TMIGD2: variants seen among roughly 807,000 people sequenced by gnomAD.
The protein encoded by TMIGD2 is transmembrane and immunoglobulin domain-containing protein 2.
A neutral mutation model predicts 22.6 loss-of-function variants in TMIGD2; 18 were observed. The observed-to-expected ratio is 0.80, with a 90% CI of 0.55 to 1.18. The LOEUF is 1.18. TMIGD2 is among the 50% of genes most tolerant of loss of function. TMIGD2 has a pLI of 0.00. For missense variants in TMIGD2, 361 were observed against 378.2 expected (o/e 0.95, Z 0.38); for synonymous variants, 184 against 154.1 (o/e 1.19, Z -1.44).
At chr19:4,302,141 G>A (rs1352278581) in intron 1 of TMIGD2, among the ~76,000 whole-genome samples, 199 bp downstream of exon 1, 1 of 152,096 alleles carries the variant, frequency 6.6e-6, no homozygotes, top group Non-Finnish European at 1.5e-5. Flanking sequence ...GTAGGGCAAG[G>A]TTTAGATTGT....
intron 4 of TMIGD2, 141 bp from the exon 5 acceptor site, chr19:4,293,026 C>T (rs1249750921): frequency 3.1e-6 from 4 of 1,280,916 alleles, no homozygotes; most frequent in South Asian, 1.3e-5. Context: ...TGCAGTGGCG[C>T]AATCTCGGCT....
chr19:4,294,451 C>T (rs1971430356), intron 4 of TMIGD2, 128 bp downstream of exon 4: 11 of 859,518 alleles, frequency 1.3e-5, no homozygotes, highest in Middle Eastern at 3.6e-4. Context: ...GATATAGGAG[C>T]CAGGCTTCTC....
At chr19:4,292,287 C>T in exon 5 of TMIGD2, 1 of 350,414 alleles carries the variant, frequency 2.9e-6, no homozygotes, top group Non-Finnish European at 5.3e-6. Flanking sequence ...CGAGATCCAT[C>T]ATTACAGAAA....
chr19:4,292,856 G>T, exon 5 of TMIGD2: 1 of 1,613,832 alleles, frequency 6.2e-7, no homozygotes, highest in Non-Finnish European at 8.5e-7. Context: ...CCCCGGGGCC[G>T]GTATAGGACG....
intron 2 of TMIGD2, among the ~76,000 whole-genome samples, chr19:4,295,476 T>C (rs1320165233): frequency 2.0e-5 from 3 of 150,048 alleles, no homozygotes; most frequent in South Asian, 2.1e-4. Flanking sequence ...AGGAGAATGG[T>C]GTGAACCCGG....
intron 2 of TMIGD2, among the ~76,000 whole-genome samples, chr19:4,295,985 C>T (rs528313288): frequency 1.1e-4 from 17 of 152,108 alleles, no homozygotes; most frequent in Non-Finnish European, 2.5e-4. Context: ...GTGGCGTGAT[C>T]GTAGCTCACT....
At chr19:4,294,703 G>C in intron 3 of TMIGD2, 23 bp from the exon 4 acceptor site, 1 of 1,576,504 alleles carries the variant, frequency 6.3e-7, no homozygotes, top group South Asian at 1.2e-5. Flanking sequence ...AGAAGAGATG[G>C]TCTAATCAGG....
chr19:4,292,661 G>C, exon 5 of TMIGD2: 2 of 1,609,648 alleles, frequency 1.2e-6, no homozygotes, highest in Non-Finnish European at 1.7e-6. Context: ...CTTGGTCTAG[G>C]AGAGACCCTG....
intron 4 of TMIGD2, among the ~76,000 whole-genome samples, chr19:4,293,463 C>T (rs527644347): frequency 2.5e-4 from 35 of 141,420 alleles, no homozygotes; most frequent in African/African-American, 7.6e-4. Context: ...GGTTTCACCA[C>T]GTTGGCCAGG....
At position 4,294,577 on chromosome 19, in the gene TMIGD2, AC is replaced by A; in HGVS notation, c.551del (p.Gly184ValfsTer112). 2 of 1,612,086 alleles carry A rather than the reference AC, an allele frequency of 1.2e-6. No individual in the cohort carries two copies. The highest frequency in any genetic ancestry group is 1.7e-6 in the Non-Finnish European group (2 of 1,179,250). On this transcript the variant is annotated frameshift_variant, in exon 4 of 5. Coordinates refer to ENST00000301272, the Ensembl canonical transcript of TMIGD2. LOFTEE classifies it low-confidence loss of function (END_TRUNC). ...CCTACCCTCCCTTACCTGGGCTGTT[AC>A]CTGAGTCCCTTTGCTGGCAGCTGCG...
Position 4,294,694 on chromosome 19 carries a change from GA to G in TMIGD2, c.449-15del, listed in dbSNP as rs763957173. On this transcript the variant is annotated splice_polypyrimidine_tract_variant and intron_variant, in intron 3 of 4. Coordinates refer to ENST00000301272, the Ensembl canonical transcript of TMIGD2. ...CGAAGAGGAATCCTGGGTAGGGGGA[GA>G]AGAGATGGTCTAATCAGGAGGGGAA... is the stretch of plus-strand genomic sequence containing the variant. 6.3e-7 allele frequency: 1 copy of G among 1,581,380 alleles called. No homozygotes were observed. Among genetic ancestry groups the G allele is most frequent in the East Asian group, 2.3e-5 (1 of 43,966 alleles).
In TMIGD2 at chr19:4,294,072, AT is replaced by A. The variant is rs373461638; in HGVS notation, c.562+494del. Among the ~76,000 whole-genome samples, 835 of 132,172 alleles carry A rather than the reference AT, an allele frequency of 6.3e-3. 8 individuals carry two copies. Among genetic ancestry groups the A allele is most frequent in the Middle Eastern group, 5.3e-3 (1 of 190 alleles). The allele number at this position is 132,172 out of a possible 152,430, so 86.7% of individuals were successfully genotyped here. Reference sequence around the variant, plus strand: ...ACACCATGCACAGCCTAATTTTTAAATTTTTTTTTTTTTGAGACCGCGTCTT... The same window carrying A: ...ACACCATGCACAGCCTAATTTTTAAATTTTTTTTTTTTGAGACCGCGTCTT... On this transcript the variant is annotated intron_variant, in intron 4 of 4. Coordinates refer to ENST00000301272, the Ensembl canonical transcript of TMIGD2.
chr19:4,297,878 T>C, intron 2 of TMIGD2, 108 bp downstream of exon 2: 1 of 1,355,854 alleles, frequency 7.4e-7, no homozygotes, highest in South Asian at 1.7e-5. Context: ...AAAAAAAGTT[T>C]GATATGAAGA....
rs141361149 is a variant in TMIGD2, at chr19:4,298,457, A to C, written c.47-112T>G. On this transcript the variant is annotated intron_variant, in intron 1 of 4. Coordinates refer to ENST00000301272, the Ensembl canonical transcript of TMIGD2. ...GGGTTTGAAACCTCACTTGTCTAAG[A>C]CGGGTGCAGTGGCTCACGCCTGTAG... The C allele has an allele frequency of 4.9e-4, 694 of 1,424,772 alleles. 3 individuals carry two copies. The African/African-American group carries it at 9.2e-3, about 19-fold the overall frequency. The allele number at this position is 1,424,772 out of a possible 1,614,324, so 88.3% of individuals were successfully genotyped here. A position where few individuals can be genotyped will look rare whatever the true frequency, so the allele number is the denominator to read the frequency against.
chr19:4,292,964 CTTTT>C, intron 4 of TMIGD2, 79 bp from the exon 5 acceptor site: 2 of 1,382,888 alleles, frequency 1.4e-6, no homozygotes, highest in African/African-American at 1.5e-5. Flanking sequence ...GGATCTGTCT[CTTTT>C]TTTTTTTTTC....
At chr19:4,299,983 G>A (rs1025055989) in intron 1 of TMIGD2, among the ~76,000 whole-genome samples, 9 of 152,088 alleles carry the variant, frequency 5.9e-5, no homozygotes, top group African/African-American at 2.2e-4. Flanking sequence ...TTCATGGGCC[G>A]GGTGCAGTGG....
At chr19:4,302,202 G>A (rs1468981607) in intron 1 of TMIGD2, 138 bp downstream of exon 1, 7 of 905,292 alleles carry the variant, frequency 7.7e-6, no homozygotes, top group East Asian at 5.8e-5. Flanking sequence ...CCCCCATCAC[G>A]TTCTGAGTCT....
At chr19:4,292,305 G>C in exon 5 of TMIGD2, 1 of 383,302 alleles carries the variant, frequency 2.6e-6, no homozygotes, top group Non-Finnish European at 4.8e-6. Flanking sequence ...AAATGAGGAC[G>C]GGGTCTCAGG....
intron 2 of TMIGD2, 76 bp downstream of exon 2, chr19:4,297,910 G>A: frequency 4.8e-6 from 7 of 1,451,646 alleles, no homozygotes; most frequent in Non-Finnish European, 5.5e-6. Context: ...TTTGTTTCTA[G>A]GAGTTTAAGA....
Sources: allele counts gnomAD v4.1 joint callset (sites outside exome capture counted in the v4.1 genomes callset), GRCh38; gene constraint gnomAD v4.1.1; transcripts MANE v1.5; gene names NCBI Gene and HGNC (gene_info 2026-07-23, HGNC 2026-07-21).